Variants in GALNT7 observed in about 807,000 individuals in gnomAD.
GALNT7 encodes the protein polypeptide N-acetylgalactosaminyltransferase 7.
GALNT7 carries 60 observed loss-of-function variants against 82.1 expected under a neutral mutation model. The observed-to-expected ratio is 0.73, with a 90% confidence interval of 0.59 to 0.91. GALNT7 has a LOEUF of 0.91. Among genes scored for constraint, GALNT7 ranks in the 40% least tolerant of loss-of-function variants. The probability of loss-of-function intolerance (pLI) is 0.00; values close to 1 mark genes in which losing one functional copy is unlikely to be tolerated. For missense variants in GALNT7, 660 were observed against 804.2 expected (o/e 0.82, Z 2.17); for synonymous variants, 243 against 275.1 (o/e 0.88, Z 1.15).
At chr4:173,244,527 A>G (rs1485872385) in intron 1 of GALNT7, among the ~76,000 whole-genome samples, 1 of 151,996 alleles carries the variant, frequency 6.6e-6, no homozygotes, top group African/African-American at 2.4e-5. Flanking sequence ...TGAAATTTTG[A>G]CTCTACTACA....
At chr4:173,311,413 A>G (rs1372124195) in intron 8 of GALNT7, among the ~76,000 whole-genome samples, 2 of 152,224 alleles carry the variant, frequency 1.3e-5, no homozygotes, top group Non-Finnish European at 2.9e-5. Context: ...GGTAATTTAT[A>G]AAGAAAAGAG....
chr4:173,214,883 C>T (rs1046644269), intron 1 of GALNT7, among the ~76,000 whole-genome samples: 33 of 151,876 alleles, frequency 2.2e-4, no homozygotes, highest in Non-Finnish European at 2.1e-4. Flanking sequence ...TCTCAAATAG[C>T]AGAGGCAGTA....
chr4:173,195,760 T>C (rs1398444214), intron 1 of GALNT7, among the ~76,000 whole-genome samples: 1 of 152,214 alleles, frequency 6.6e-6, no homozygotes. Context: ...TAAAGGAATT[T>C]ACACTTGGTT....
chr4:173,300,416 A>G (rs1246575020), intron 6 of GALNT7, among the ~76,000 whole-genome samples: 3 of 152,244 alleles, frequency 2.0e-5, no homozygotes, highest in African/African-American at 7.2e-5. Context: ...ACATGAGTTT[A>G]TGGAAAGATG....
Position 173,231,070 on chromosome 4 carries a change from C to T in GALNT7, c.127-16910C>T, listed in dbSNP as rs144362817. On this transcript the variant is annotated intron_variant, in intron 1 of 11. Transcript: ENST00000265000. ...GTAGTACCTCAGTTGGAACAGTCTG[C>T]TTAACATAGGTTGAAAAGCACTTTA... 6.2e-3 allele frequency among the ~76,000 whole-genome samples: 944 copies of T among 152,312 alleles called. 8 individuals are homozygous for T. Among genetic ancestry groups the T allele is most frequent in the African/African-American group, 0.022 (907 of 41,564 alleles).
intron 8 of GALNT7, among the ~76,000 whole-genome samples, chr4:173,306,038 T>C (rs563389689): frequency 3.3e-5 from 5 of 152,320 alleles, no homozygotes; most frequent in African/African-American, 1.2e-4. Flanking sequence ...ACAGGGTATC[T>C]TTCCATTTAT....
chr4:173,199,338 C>A (rs1732873298), intron 1 of GALNT7, among the ~76,000 whole-genome samples: 1 of 152,106 alleles, frequency 6.6e-6, no homozygotes, highest in Non-Finnish European at 1.5e-5. Flanking sequence ...TAACCTTGGG[C>A]AAGCTACTGA....
chr4:173,178,067 G>GCC, intron 1 of GALNT7, among the ~76,000 whole-genome samples: 1 of 139,162 alleles, frequency 7.2e-6, no homozygotes, highest in Non-Finnish European at 1.5e-5. Context: ...GCACGCGCGT[G>GCC]CGCACAGACA....
intron 9 of GALNT7, 150 bp from the exon 10 acceptor site, chr4:173,317,484 G>GT: frequency 1.7e-6 from 1 of 591,374 alleles, no homozygotes; most frequent in Non-Finnish European, 3.0e-6. Context: ...ACTATGTAAA[G>GT]ATTGACAATC....
chr4:173,247,944 C>A, intron 1 of GALNT7, 36 bp from the exon 2 acceptor site: 3 of 1,398,462 alleles, frequency 2.1e-6, no homozygotes, highest in African/African-American at 1.4e-5. Flanking sequence ...GGTTTGCCTT[C>A]ATGTACTCAT....
intron 6 of GALNT7, among the ~76,000 whole-genome samples, chr4:173,299,652 A>G (rs111229539): frequency 0.034 from 5,110 of 152,120 alleles, 282 homozygotes; most frequent in African/African-American, 0.12. Flanking sequence ...TTCGAGATCA[A>G]CCTTGCTAAC....
chr4:173,197,334 A>G (rs1732809153), intron 1 of GALNT7, among the ~76,000 whole-genome samples: 1 of 152,110 alleles, frequency 6.6e-6, no homozygotes, highest in Non-Finnish European at 1.5e-5. Flanking sequence ...CTCTCTTAAA[A>G]AGAGTAAAGA....
chr4:173,288,282 CAAAAAAAAAAA>C (rs70944442), intron 2 of GALNT7, among the ~76,000 whole-genome samples: 5 of 63,000 alleles, frequency 7.9e-5, no homozygotes, highest in Non-Finnish European at 1.1e-4. Flanking sequence ...GACTCCATCT[CAAAAAAAAAAA>C]AAAAAAAAAA....
intron 1 of GALNT7, among the ~76,000 whole-genome samples, chr4:173,172,890 G>A (rs1379780455): frequency 6.6e-6 from 1 of 152,114 alleles, no homozygotes; most frequent in Non-Finnish European, 1.5e-5. Context: ...GCGGTGAGAA[G>A]CCGTTGAAAG....
chr4:173,203,064 G>A (rs528891736), intron 1 of GALNT7, among the ~76,000 whole-genome samples: 7 of 151,034 alleles, frequency 4.6e-5, no homozygotes, highest in Admixed American at 4.6e-4. Context: ...GTCCTTACAG[G>A]TGAAGCGAAT....
At chr4:173,193,973 G>A (rs1732700489) in intron 1 of GALNT7, among the ~76,000 whole-genome samples, 1 of 152,116 alleles carries the variant, frequency 6.6e-6, no homozygotes, top group South Asian at 2.1e-4. Context: ...TGTAGTTACT[G>A]TAAATTTTAT....
At chr4:173,279,064 A>C (rs1736015044) in intron 2 of GALNT7, among the ~76,000 whole-genome samples, 1 of 152,190 alleles carries the variant, frequency 6.6e-6, no homozygotes, top group Admixed American at 6.5e-5. Context: ...ACTGGGTTTA[A>C]CAGTGACGTA....
At chr4:173,283,964 T>G (rs1425839052) in intron 2 of GALNT7, among the ~76,000 whole-genome samples, 1 of 152,230 alleles carries the variant, frequency 6.6e-6, no homozygotes, top group African/African-American at 2.4e-5. Context: ...ATGTTCCAAA[T>G]TTTGTTCACA....
chr4:173,298,349 T>C, intron 6 of GALNT7, 52 bp downstream of exon 6: 1 of 1,194,420 alleles, frequency 8.4e-7, no homozygotes, highest in Non-Finnish European at 1.2e-6. Flanking sequence ...GCTGCTAACC[T>C]ATTAACCTCT....
Sources: gnomAD v4.1 joint callset for allele counts (sites outside exome capture counted in the v4.1 genomes callset) on GRCh38, gnomAD v4.1.1 for gene constraint, MANE v1.5 for transcripts, NCBI Gene and HGNC (gene_info 2026-07-23, HGNC 2026-07-21) for gene names.